The following TBX1 variants were observed in gnomAD, a reference collection of about 807,000 sequenced individuals.
TBX1 encodes T-box transcription factor TBX1.
TBX1 carries 16 observed loss-of-function variants against 40.8 expected under a neutral mutation model. The observed-to-expected ratio is 0.39, with a 90% CI of 0.27 to 0.60. The LOEUF is 0.60. Ranked by LOEUF, TBX1 falls within the 20% of genes least tolerant of loss-of-function variation. The probability of loss-of-function intolerance (pLI) is 0.51; values close to 1 mark genes in which losing one functional copy is unlikely to be tolerated. For synonymous variants in TBX1, 403 were observed against 336.8 expected (o/e 1.20, Z -2.15); for missense variants, 755 against 728.5 (o/e 1.04, Z -0.42).
In TBX1 at chr22:19,766,020, G is replaced by A; in HGVS notation, c.1036+18G>A. On this transcript the variant is annotated intron_variant, in intron 6 of 6. Coordinates refer to ENST00000649276, the MANE Select transcript of TBX1 (RefSeq NM_001379200.1). The stretch of plus-strand genomic sequence containing the variant: ...GGAGAAAGGTAGGGCCGGGGTCGTG[G>A]GATCCGGGTTCCGGCCCTGTGCGCG... 2 of 1,488,968 alleles carry A rather than the reference G, an allele frequency of 1.3e-6. No individual in the cohort carries two copies. Among genetic ancestry groups the A allele is most frequent in the East Asian group, 2.9e-5 (1 of 35,086 alleles). 92.2% of individuals were successfully genotyped at this position (1,488,968 alleles called of 1,614,324 possible). A position where few individuals can be genotyped will look rare whatever the true frequency, so the allele number is the denominator to read the frequency against.
At chr22:19,768,995 C>CT (rs1936942984), downstream of TBX1, among the ~76,000 whole-genome samples, 4 of 97,188 alleles carry the variant, frequency 4.1e-5, no homozygotes, top group South Asian at 1.6e-3. Flanking sequence ...GAGTCGCGCT[C>CT]TGTCGCCCAG....
At position 19,761,289 on chromosome 22, in the gene TBX1, G is replaced by A; in HGVS notation, c.437+9G>A. ...GTCACCAAGGCCGGCAGGTCAGGGC[G>A]CCCCTCCCCACGCCGCGACCCTCCC... On this transcript the variant is annotated intron_variant, in intron 1 of 6. Coordinates refer to ENST00000649276, the MANE Select transcript of TBX1 (RefSeq NM_001379200.1). 2 of 1,540,890 alleles carry A rather than the reference G, an allele frequency of 1.3e-6. No homozygotes were observed. The highest frequency in any genetic ancestry group is 1.8e-6 in the Non-Finnish European group (2 of 1,140,782).
At position 19,764,443 on chromosome 22, in the gene TBX1, T is replaced by C. The variant is rs569026102; in HGVS notation, c.711+117T>C. 74 of 1,371,296 alleles carry C rather than the reference T, an allele frequency of 5.4e-5. 1 individual carries two copies. The Admixed American group carries it at 6.2e-4, about 11-fold the overall frequency. The allele number at this position is 1,371,296 out of a possible 1,614,324, so 84.9% of individuals were successfully genotyped here. ...GCCCCCGGCTGTCCCCAGGCGGCTC[T>C]GGGCTGTCCCCGAGGAGGCCCTTTA... On this transcript the variant is annotated intron_variant, in intron 3 of 6. Transcript: ENST00000649276.
chr22:19,757,543 C>A (rs1936514723), upstream of TBX1, among the ~76,000 whole-genome samples: 3 of 152,222 alleles, frequency 2.0e-5, no homozygotes, highest in Non-Finnish European at 4.4e-5. Flanking sequence ...TACCCTCAGG[C>A]TGGGGCACAT....
rs761495882 is a variant in TBX1 at position 19,764,218 on chromosome 22, C to T, written c.603C>T (p.Arg201=). 3.8e-5 allele frequency: 61 copies of T among 1,612,980 alleles called. No homozygotes were observed. The highest frequency in any genetic ancestry group is 3.5e-4 in the South Asian group (32 of 91,092). The part of the protein sequence containing the change: ...AGKADPATPG[R]VHYHPDSPAK... ...AGGCCGACCCTGCCACGCCAGGCCGCGTGCACTACCACCCGGACTCGCCTG... is the reference window on the plus strand; with the variant it reads ...AGGCCGACCCTGCCACGCCAGGCCGTGTGCACTACCACCCGGACTCGCCTG... The change falls in exon 3 of 7, where the codon CGC becomes CGT. Residue 201 remains arginine, a synonymous_variant. Coordinates refer to ENST00000649276, the MANE Select transcript of TBX1 (RefSeq NM_001379200.1).
chr22:19,763,380 C>T (rs1936730799), intron 2 of TBX1, 38 bp downstream of exon 2: 1 of 1,600,856 alleles, frequency 6.2e-7, no homozygotes, highest in Non-Finnish European at 8.6e-7. Flanking sequence ...ACCGGGAGGG[C>T]ACCCTGGAAA....
chr22:19,762,727 C>G (rs1366020587), intron 1 of TBX1, among the ~76,000 whole-genome samples: 2 of 152,064 alleles, frequency 1.3e-5, no homozygotes, highest in Non-Finnish European at 2.9e-5. Context: ...AGGGAGGGCT[C>G]TGAGCCTTGG....
downstream of TBX1, among the ~76,000 whole-genome samples, chr22:19,779,888 CCCAGGCGGAGGCA>C: frequency 6.6e-6 from 1 of 152,332 alleles, no homozygotes; most frequent in East Asian, 1.9e-4. Flanking sequence ...GCTGGCGGCT[CCCAGGCGGAGGCA>C]CCACGGTGAG....
downstream of TBX1, chr22:19,767,467 TC>T: frequency 1.2e-6 from 1 of 862,862 alleles, no homozygotes; most frequent in Non-Finnish European, 1.4e-6. Context: ...TCGGTCCCGG[TC>T]CCACAGCGCC....
upstream of TBX1, chr22:19,759,649 C>T (rs367692432): frequency 1.2e-6 from 2 of 1,612,490 alleles, no homozygotes; most frequent in African/African-American, 2.7e-5. Context: ...CAGGGATGCA[C>T]TTCAGCACCG....
upstream of TBX1, among the ~76,000 whole-genome samples, chr22:19,758,985 C>A (rs918969678): frequency 2.6e-5 from 4 of 152,220 alleles, no homozygotes; most frequent in African/African-American, 9.6e-5. Flanking sequence ...CTCTCCTCAC[C>A]CAGGTGCAGG....
upstream of TBX1, chr22:19,759,731 G>A: frequency 1.3e-6 from 2 of 1,598,312 alleles, no homozygotes; most frequent in Non-Finnish European, 1.7e-6. Flanking sequence ...CCCTGCCTCA[G>A]CTGCTGTGGG....
chr22:19,783,318 C>T, downstream of TBX1: 2 of 403,604 alleles, frequency 5.0e-6, no homozygotes, highest in Non-Finnish European at 9.4e-6. Context: ...TTACAGGTTT[C>T]AGAGCCCAAG....
downstream of TBX1, chr22:19,782,780 C>A: frequency 6.6e-7 from 1 of 1,522,790 alleles, no homozygotes. Flanking sequence ...TTTCTGGGGC[C>A]TCAGCTGTCT....
At chr22:19,779,443 G>T (rs200575065) in exon 9 of TBX1, 44 of 1,613,406 alleles carry the variant, frequency 2.7e-5, no homozygotes, top group Non-Finnish European at 3.6e-5. Flanking sequence ...TGGAGTTGTC[G>T]TGTTTCCCTT....
downstream of TBX1, among the ~76,000 whole-genome samples, chr22:19,768,874 C>T (rs1252834478): frequency 6.6e-6 from 1 of 151,908 alleles, no homozygotes; most frequent in Non-Finnish European, 1.5e-5. Context: ...CCGTGCCCCT[C>T]CTGTTGGGAT....
At chr22:19,772,102 G>GTT (rs1348442721), downstream of TBX1, among the ~76,000 whole-genome samples, 1 of 152,136 alleles carries the variant, frequency 6.6e-6, no homozygotes, top group African/African-American at 2.4e-5. Flanking sequence ...CCTCTCAACA[G>GTT]TTTTTTTGTT....
chr22:19,768,950 A>ATTTTTTTTTTTTTTT (rs1601297935), downstream of TBX1, among the ~76,000 whole-genome samples: 13 of 70,716 alleles, frequency 1.8e-4, 1 homozygote, highest in East Asian at 5.1e-4. Context: ...GGCTGTTCGC[A>ATTTTTTTTTTTTTTT]TTCTTTTTTT....
chr22:19,778,582 G>A (rs749481299), intron 8 of TBX1, among the ~76,000 whole-genome samples: 19 of 151,716 alleles, frequency 1.3e-4, no homozygotes, highest in Non-Finnish European at 2.6e-4. Context: ...TTACAGGCAT[G>A]CGCCACCATG....
Sources: gnomAD v4.1 joint callset for allele counts (sites outside exome capture counted in the v4.1 genomes callset) on GRCh38, gnomAD v4.1.1 for gene constraint, MANE v1.5 for transcripts, NCBI Gene and HGNC (gene_info 2026-07-23, HGNC 2026-07-21) for gene names.